CREBL2: variants seen among roughly 807,000 people sequenced by gnomAD.
CREBL2 encodes cAMP-responsive element-binding protein-like 2.
Under a neutral mutation model 19.5 loss-of-function variants are expected in CREBL2, and 4 were observed. The observed-to-expected ratio is 0.20, with a 90% CI of 0.10 to 0.47. The LOEUF is 0.47. Ranked by LOEUF, CREBL2 falls within the 20% of genes least tolerant of loss-of-function variation. The probability of loss-of-function intolerance (pLI) is 0.98; values close to 1 mark genes in which losing one functional copy is unlikely to be tolerated. For missense variants in CREBL2, 85 were observed against 145.1 expected, an observed-to-expected ratio of 0.59 and a Z score of 2.13; for synonymous variants, 42 against 46.6, an observed-to-expected ratio of 0.90 and a Z score of 0.40.
At chr12:12,631,883 CAAT>C (rs1945444617) in intron 1 of CREBL2, among the ~76,000 whole-genome samples, 4 of 151,878 alleles carry the variant, frequency 2.6e-5, no homozygotes, top group Admixed American at 2.0e-4. Context: ...CTAAGATTTA[CAAT>C]AATCCTGTGT....
chr12:12,642,641 A>G lies in CREBL2; in HGVS notation c.*643A>G, dbSNP rs1945532148. On this transcript the variant is annotated 3_prime_UTR_variant, in exon 4 of 4. Transcript: ENST00000228865. ...GTTTTAAATAACATACATATTAACA[A>G]TATCTATCAGGAAAACCCTCAAGAC... is the stretch of plus-strand genomic sequence containing the variant. 1 of 152,292 alleles carries G rather than the reference A, an allele frequency of 6.6e-6. No homozygotes were observed. Among genetic ancestry groups the G allele is most frequent in the Non-Finnish European group, 1.5e-5 (1 of 68,036 alleles). 9.4% of individuals were successfully genotyped at this position (152,292 alleles called of 1,614,324 possible).
chr12:12,613,658 G>A (rs1286970766), intron 1 of CREBL2, among the ~76,000 whole-genome samples: 2 of 152,184 alleles, frequency 1.3e-5, no homozygotes, highest in African/African-American at 2.4e-5. Flanking sequence ...ATAGGAAGTG[G>A]TATTTCCAAG....
intron 3 of CREBL2, among the ~76,000 whole-genome samples, chr12:12,638,969 T>C (rs1945497430): frequency 6.6e-6 from 1 of 152,204 alleles, no homozygotes; most frequent in Non-Finnish European, 1.5e-5. Flanking sequence ...TATTCCCCAT[T>C]ACCCACTTCC....
At chr12:12,623,275 G>T (rs998248683) in intron 1 of CREBL2, among the ~76,000 whole-genome samples, 1 of 151,912 alleles carries the variant, frequency 6.6e-6, no homozygotes, top group African/African-American at 2.4e-5. Context: ...GGTTGCAAAA[G>T]AAGTAGAAAA....
At chr12:12,628,145 G>A (rs999705440) in intron 1 of CREBL2, among the ~76,000 whole-genome samples, 2 of 152,162 alleles carry the variant, frequency 1.3e-5, no homozygotes, top group Non-Finnish European at 2.9e-5. Context: ...CTCCCAAAGT[G>A]CTGGGATTAC....
chr12:12,628,109 T>A (rs1945416775), intron 1 of CREBL2, among the ~76,000 whole-genome samples: 1 of 152,176 alleles, frequency 6.6e-6, no homozygotes, highest in African/African-American at 2.4e-5. Flanking sequence ...CTTGATCTCT[T>A]GACATTATGA....
chr12:12,612,800 T>C (rs1190032619), intron 1 of CREBL2, among the ~76,000 whole-genome samples: 1 of 152,226 alleles, frequency 6.6e-6, no homozygotes, highest in South Asian at 2.1e-4. Context: ...ATCACTTACT[T>C]TATGATTATA....
intron 2 of CREBL2, 66 bp downstream of exon 2, chr12:12,636,040 T>TA (rs1274747699): frequency 7.2e-7 from 1 of 1,395,430 alleles, no homozygotes; most frequent in African/African-American, 1.4e-5. Context: ...TACATTAAAA[T>TA]ACGAAAATAC....
chr12:12,634,796 C>T (rs1945462297), intron 1 of CREBL2, among the ~76,000 whole-genome samples: 1 of 152,156 alleles, frequency 6.6e-6, no homozygotes, highest in Admixed American at 6.5e-5. Context: ...TGGCTCACAC[C>T]TGTAATCCCA....
At chr12:12,623,116 T>C (rs1454709282) in intron 1 of CREBL2, among the ~76,000 whole-genome samples, 1 of 150,686 alleles carries the variant, frequency 6.6e-6, no homozygotes, top group Admixed American at 6.6e-5. Context: ...TTTTTTTTTT[T>C]TGTAACAACT....
rs967437805 is a variant in CREBL2 at position 12,644,967 on chromosome 12, A to G, written c.*2969A>G. 2 of 152,204 alleles carry G rather than the reference A, an allele frequency of 1.3e-5. No homozygotes were observed. The highest frequency in any genetic ancestry group is 4.8e-5 in the African/African-American group (2 of 41,446). The allele number at this position is 152,204 out of a possible 1,614,324, so 9.4% of individuals were successfully genotyped here. A position where few individuals can be genotyped will look rare whatever the true frequency, so the allele number is the denominator to read the frequency against. On this transcript the variant is annotated 3_prime_UTR_variant, in exon 4 of 4. Transcript: ENST00000228865. ...TTGAATTATTTTCTGAGTCACCTTG[A>G]GTTATTTGATCTCTCAGCCTGCTTT... is the stretch of plus-strand genomic sequence containing the variant.
intron 1 of CREBL2, among the ~76,000 whole-genome samples, chr12:12,623,377 T>G (rs1945375777): frequency 6.6e-6 from 1 of 151,220 alleles, no homozygotes; most frequent in Non-Finnish European, 1.5e-5. Flanking sequence ...ATAAATTCAG[T>G]GGGATATTAA....
At chr12:12,614,032 C>G (rs7301486) in intron 1 of CREBL2, among the ~76,000 whole-genome samples, 49,882 of 132,990 alleles carry the variant, frequency 0.38, 9,084 homozygotes, top group Middle Eastern at 0.48. Context: ...TCCGCTGTAT[C>G]GCCCAGGCTG....
intron 3 of CREBL2, 114 bp downstream of exon 3, chr12:12,637,828 C>A: frequency 1.7e-6 from 2 of 1,176,642 alleles, no homozygotes; most frequent in Non-Finnish European, 2.3e-6. Flanking sequence ...ATCGCTTGAG[C>A]CCAGGAGTTC....
intron 1 of CREBL2, among the ~76,000 whole-genome samples, chr12:12,632,768 TATTAAA>T (rs1437714423): frequency 6.6e-6 from 1 of 152,024 alleles, no homozygotes; most frequent in African/African-American, 2.4e-5. Flanking sequence ...CAAAATATTT[TATTAAA>T]ATTATGTGAT....
chr12:12,629,826 A>G (rs1945429227), intron 1 of CREBL2, among the ~76,000 whole-genome samples: 1 of 151,988 alleles, frequency 6.6e-6, no homozygotes, highest in Non-Finnish European at 1.5e-5. Flanking sequence ...AAGATGTTGA[A>G]TTTCTGTCAA....
At chr12:12,613,359 G>A (rs12427419) in intron 1 of CREBL2, among the ~76,000 whole-genome samples, 5,998 of 152,254 alleles carry the variant, frequency 0.039, 234 homozygotes, top group Admixed American at 0.14. Flanking sequence ...GCTTCTCAGC[G>A]TCTTCTGTTT....
intron 1 of CREBL2, among the ~76,000 whole-genome samples, chr12:12,620,268 C>G (rs1372835928): frequency 6.6e-6 from 1 of 151,106 alleles, no homozygotes; most frequent in East Asian, 1.9e-4. Context: ...CGGTCTCACT[C>G]TGTCACCCAG....
chr12:12,622,435 A>G (rs1566107209), intron 1 of CREBL2, among the ~76,000 whole-genome samples: 1 of 152,228 alleles, frequency 6.6e-6, no homozygotes. Flanking sequence ...AACTGAAAAG[A>G]GAGGTCAGTG....
Sources: allele counts gnomAD v4.1 joint callset (sites outside exome capture counted in the v4.1 genomes callset), GRCh38; gene constraint gnomAD v4.1.1; transcripts MANE v1.5; gene names NCBI Gene and HGNC (gene_info 2026-07-23, HGNC 2026-07-21).